The following CCDC40 variants were observed in gnomAD, a reference collection of about 807,000 sequenced individuals.
The protein encoded by CCDC40 is coiled-coil domain-containing protein 40.
Under a neutral mutation model 124.5 loss-of-function variants are expected in CCDC40, and 104 were observed. The ratio of observed to expected loss-of-function variants is 0.84; its 90% confidence interval spans 0.71 to 0.98. The LOEUF (loss-of-function observed/expected upper bound fraction) is 0.98, where lower values mean the gene tolerates loss of function less well. CCDC40 is among the 50% of genes least tolerant of loss of function. The probability of loss-of-function intolerance (pLI) is 0.00; values close to 1 mark genes in which losing one functional copy is unlikely to be tolerated. For missense variants in CCDC40, 1,463 were observed against 1,503.9 expected, an observed-to-expected ratio of 0.97 and a Z score of 0.45; for synonymous variants, 580 against 602.9, an observed-to-expected ratio of 0.96 and a Z score of 0.56.
rs991640923 is a variant in CCDC40, at chr17:80,100,343, G to T, written c.*568G>T. 6.0e-6 allele frequency: 1 copy of T among 166,912 alleles called. No individual in the cohort carries two copies. The highest frequency in any genetic ancestry group is 1.3e-5 in the Non-Finnish European group (1 of 76,074). The allele number at this position is 166,912 out of a possible 1,614,324, so 10.3% of individuals were successfully genotyped here. A position where few individuals can be genotyped will look rare whatever the true frequency, so the allele number is the denominator to read the frequency against. On this transcript the variant is annotated 3_prime_UTR_variant, in exon 20 of 20. Transcript: ENST00000397545. ...CATTTGAGTTAAATTCAGATCCACAGCTTGCAGGAGAAAGTCAGTGGCCCC... is the reference window on the plus strand; with the variant it reads ...CATTTGAGTTAAATTCAGATCCACATCTTGCAGGAGAAAGTCAGTGGCCCC...
chr17:80,062,337 G>A (rs1464713887), intron 9 of CCDC40, among the ~76,000 whole-genome samples: 1 of 151,820 alleles, frequency 6.6e-6, no homozygotes, highest in African/African-American at 2.4e-5. Context: ...AAGTTTTAGG[G>A]TACACGTGCA....
rs528952287 is a variant in CCDC40, at chr17:80,043,531, C to T, written c.552+3261C>T. On this transcript the variant is annotated intron_variant, in intron 3 of 19. Transcript: ENST00000397545. ...CGGCCTTGGCTCACACCCCTGCGGCCGGCCTTGGCTCACAACAGAACCTCT... is the reference window on the plus strand; with the variant it reads ...CGGCCTTGGCTCACACCCCTGCGGCTGGCCTTGGCTCACAACAGAACCTCT... 9.1e-5 allele frequency among the ~76,000 whole-genome samples: 12 copies of T among 131,856 alleles called. No homozygotes were observed. The South Asian group carries it at 1.1e-3, about 12-fold the overall frequency. 86.5% of individuals were successfully genotyped at this position (131,856 alleles called of 152,430 possible).
At chr17:80,061,425 C>G (rs190007258) in intron 9 of CCDC40, among the ~76,000 whole-genome samples, 4 of 150,490 alleles carry the variant, frequency 2.7e-5, no homozygotes, top group Admixed American at 2.7e-4. Flanking sequence ...CGCCACAAAC[C>G]AGATGAAGGC....
intron 17 of CCDC40, chr17:80,090,594 G>A (rs1416668466): frequency 6.1e-6 from 9 of 1,486,048 alleles, no homozygotes; most frequent in African/African-American, 1.4e-5. Flanking sequence ...ACCCTCTAAC[G>A]TATCCCACTG....
intron 1 of CCDC40, 41 bp from the exon 2 acceptor site, chr17:80,038,082 A>G: frequency 7.2e-7 from 1 of 1,394,874 alleles, no homozygotes; most frequent in Non-Finnish European, 1.0e-6. Context: ...AGAAAAAGAA[A>G]GCTGTTGCTT....
chr17:80,088,347 C>T (rs1214723356), intron 16 of CCDC40: 11 of 532,736 alleles, frequency 2.1e-5, no homozygotes, highest in South Asian at 1.2e-4. Flanking sequence ...TGCCTCCCAG[C>T]TTCAAGTGAT....
chr17:80,090,332 CACG>C, intron 17 of CCDC40: 1 of 639,910 alleles, frequency 1.6e-6, no homozygotes, highest in Non-Finnish European at 2.3e-6. Context: ...CGCGCGCAGG[CACG>C]TGCACGAACA....
At chr17:80,063,105 G>C (rs1322655455) in intron 9 of CCDC40, among the ~76,000 whole-genome samples, 1 of 152,048 alleles carries the variant, frequency 6.6e-6, no homozygotes, top group Non-Finnish European at 1.5e-5. Context: ...TGAGACAGGA[G>C]AATTGCTTGA....
chr17:80,046,714 G>A (rs998715201), intron 3 of CCDC40, among the ~76,000 whole-genome samples: 6 of 152,154 alleles, frequency 3.9e-5, no homozygotes, highest in African/African-American at 1.4e-4. Flanking sequence ...ATGCGGAAAA[G>A]CCTCGGCTCC....
intron 3 of CCDC40, among the ~76,000 whole-genome samples, chr17:80,043,490 A>C (rs74000353): frequency 1.4e-4 from 12 of 88,424 alleles, no homozygotes; most frequent in African/African-American, 1.9e-4. Context: ...TATTTATTGG[A>C]ACACACCCCT....
intron 17 of CCDC40, among the ~76,000 whole-genome samples, chr17:80,094,856 C>T (rs1256979636): frequency 6.6e-6 from 1 of 152,078 alleles, no homozygotes; most frequent in Non-Finnish European, 1.5e-5. Flanking sequence ...AGCCCCAGGT[C>T]CTCCACCCAA....
Position 80,087,950 on chromosome 17 carries a change from G to A in CCDC40, c.2620-61G>A. The A allele has an allele frequency of 1.4e-6, 2 of 1,383,132 alleles. No homozygotes were observed. Among genetic ancestry groups the A allele is most frequent in the Non-Finnish European group, 1.0e-6 (1 of 970,658 alleles). The allele number at this position is 1,383,132 out of a possible 1,614,324, so 85.7% of individuals were successfully genotyped here. On this transcript the variant is annotated intron_variant, in intron 15 of 19. Coordinates refer to ENST00000397545, the MANE Select transcript of CCDC40 (RefSeq NM_017950.4). The surrounding 1 kb of genome is among the most constrained non-coding windows in gnomAD (Gnocchi z 4.5). ...CTCGGTGCCGGGATAGAGGGCACCA[G>A]CCCCGGCATCCACAATCCCATGGCC...
chr17:80,048,911 A>C (rs1598486444), intron 5 of CCDC40, 150 bp downstream of exon 5: 7 of 784,242 alleles, frequency 8.9e-6, no homozygotes. Context: ...GCACTGATTG[A>C]CCTGCCTCTT....
At chr17:80,089,426 G>A (rs2038654531) in intron 16 of CCDC40, 2 of 330,250 alleles carry the variant, frequency 6.1e-6, no homozygotes, top group Non-Finnish European at 1.2e-5. Flanking sequence ...GACTATTGGT[G>A]TATTCAGGCT....
rs886053538 is a variant in CCDC40, at chr17:80,100,122, C to T, written c.*347C>T. ...CGTGCCTCTCACAACACAACGCTGC[C>T]ACAGGTCCACAAGCTGGTGGGCTGA... On this transcript the variant is annotated 3_prime_UTR_variant, in exon 20 of 20. Transcript: ENST00000397545. 1 of 352,504 alleles carries T rather than the reference C, an allele frequency of 2.8e-6. No homozygotes were observed. Among genetic ancestry groups the T allele is most frequent in the Admixed American group, 4.2e-5 (1 of 23,670 alleles). 21.8% of individuals were successfully genotyped at this position (352,504 alleles called of 1,614,324 possible). A position where few individuals can be genotyped will look rare whatever the true frequency, so the allele number is the denominator to read the frequency against.
At chr17:80,072,623 T>C (rs2038220003) in intron 10 of CCDC40, among the ~76,000 whole-genome samples, 1 of 152,222 alleles carries the variant, frequency 6.6e-6, no homozygotes, top group Non-Finnish European at 1.5e-5. Flanking sequence ...CTGTGCCGCC[T>C]TCTGTGCCTA....
intron 3 of CCDC40, among the ~76,000 whole-genome samples, chr17:80,044,182 C>A (rs187899816): frequency 6.6e-6 from 1 of 152,104 alleles, no homozygotes; most frequent in African/African-American, 2.4e-5. Context: ...CCAGCTGTTG[C>A]GGCAAACGGT....
At chr17:80,064,562 C>T (rs1404972547) in intron 9 of CCDC40, among the ~76,000 whole-genome samples, 1 of 152,144 alleles carries the variant, frequency 6.6e-6, no homozygotes, top group East Asian at 1.9e-4. Flanking sequence ...CACTGAGGCA[C>T]AGCGGGTGAG....
intron 17 of CCDC40, chr17:80,090,654 C>T (rs923637707): frequency 4.2e-6 from 6 of 1,438,840 alleles, no homozygotes; most frequent in Non-Finnish European, 5.5e-6. Context: ...CCCATCTCAT[C>T]CTTCACAGCC....
Sources: gnomAD v4.1 joint callset for allele counts (sites outside exome capture counted in the v4.1 genomes callset) on GRCh38, gnomAD v4.1.1 for gene constraint, Gnocchi (gnomAD v3.1) non-coding constraint, MANE v1.5 for transcripts, NCBI Gene and HGNC (gene_info 2026-07-23, HGNC 2026-07-21) for gene names.